Variants in CENPC observed in about 807,000 individuals in gnomAD.
CENPC encodes centromere protein C, also known as CENP-C 1.
A neutral mutation model predicts 112.1 loss-of-function variants in CENPC; 63 were observed. The ratio of observed to expected loss-of-function variants is 0.56; its 90% CI spans 0.46 to 0.69. The LOEUF (loss-of-function observed/expected upper bound fraction) is 0.69. Ranked by LOEUF, CENPC falls within the 30% of genes least tolerant of loss-of-function variation. The probability of loss-of-function intolerance (pLI) is 0.00; values close to 1 mark genes in which losing one functional copy is unlikely to be tolerated. For synonymous variants in CENPC, 333 were observed against 367.6 expected (o/e 0.91, Z 1.08); for missense variants, 1,000 against 1,103.8 (o/e 0.91, Z 1.33).
intron 5 of CENPC, among the ~76,000 whole-genome samples, chr4:67,530,466 A>G (rs1726514227): frequency 6.6e-6 from 1 of 152,164 alleles, no homozygotes; most frequent in Non-Finnish European, 1.5e-5. Context: ...AAGGTACAGA[A>G]CTATTTAAAG....
chr4:67,504,317 A>G, intron 12 of CENPC, among the ~76,000 whole-genome samples: 1 of 152,186 alleles, frequency 6.6e-6, no homozygotes, highest in East Asian at 1.9e-4. Flanking sequence ...CTTCTTTACC[A>G]AAGAAAAAGC....
intron 9 of CENPC, among the ~76,000 whole-genome samples, chr4:67,511,737 C>A (rs1375414276): frequency 6.6e-6 from 1 of 152,124 alleles, no homozygotes; most frequent in African/African-American, 2.4e-5. Context: ...GGCACTAAGT[C>A]TCTAGTGAGC....
chr4:67,493,264 A>T lies in CENPC; in HGVS notation c.2291-267T>A, dbSNP rs1026813504. 22 of 139,358 alleles carry T rather than the reference A, an allele frequency of 1.6e-4. No homozygotes were observed. In the East Asian group the frequency reaches 2.0e-3, roughly 13 times the overall value. The allele number at this position is 139,358 out of a possible 1,614,324, so 8.6% of individuals were successfully genotyped here. On this transcript the variant is annotated intron_variant, in intron 14 of 18. Transcript: ENST00000273853. The stretch of plus-strand genomic sequence containing the variant: ...TCAACAGTCATCAGTGGAGGCTTTT[A>T]AAAAAAAAAAAAAAAGGAGGGGGCT...
intron 18 of CENPC, chr4:67,474,598 T>G (rs1724754053): frequency 3.2e-6 from 1 of 309,286 alleles, no homozygotes; most frequent in African/African-American, 2.3e-5. Flanking sequence ...CTCGAGAGTC[T>G]GAGGCACAAG....
intron 5 of CENPC, among the ~76,000 whole-genome samples, chr4:67,524,410 G>C (rs1726315905): frequency 6.6e-6 from 1 of 152,166 alleles, no homozygotes; most frequent in South Asian, 2.1e-4. Context: ...GTTTGCAGAT[G>C]ACGTGATTGT....
chr4:67,511,026 C>G, intron 9 of CENPC: 2 of 456,106 alleles, frequency 4.4e-6, no homozygotes, highest in Non-Finnish European at 4.4e-6. Flanking sequence ...TTCAGGCAAC[C>G]TGGGGCAGAA....
At chr4:67,508,223 T>C (rs1725789387) in intron 10 of CENPC, among the ~76,000 whole-genome samples, 1 of 152,058 alleles carries the variant, frequency 6.6e-6, no homozygotes, top group Admixed American at 6.6e-5. Context: ...AGACAGTAAA[T>C]TTTATGTTAT....
chr4:67,506,035 A>G (rs1725721973), intron 11 of CENPC, among the ~76,000 whole-genome samples: 1 of 152,192 alleles, frequency 6.6e-6, no homozygotes, highest in Non-Finnish European at 1.5e-5. Flanking sequence ...CTTTCTACCT[A>G]TTATGAACCC....
chr4:67,521,450 C>T (rs2109813737), intron 5 of CENPC, among the ~76,000 whole-genome samples: 1 of 152,142 alleles, frequency 6.6e-6, no homozygotes, highest in African/African-American at 2.4e-5. Flanking sequence ...TTCCTAATAA[C>T]AGTGATGTAA....
rs959663601 is a variant in CENPC, at chr4:67,476,957, C to T, written c.2671-1979G>A. 4.6e-5 allele frequency among the ~76,000 whole-genome samples: 7 copies of T among 152,148 alleles called. No homozygotes were observed. The South Asian group carries it at 1.4e-3, about 31-fold the overall frequency. ...GAGACAGCCATAATCCCCTTGGGAACATAACTCCAGTGGCCTGGGAACCAT... is the reference window on the plus strand; with the variant it reads ...GAGACAGCCATAATCCCCTTGGGAATATAACTCCAGTGGCCTGGGAACCAT... On this transcript the variant is annotated intron_variant, in intron 17 of 18. Coordinates refer to ENST00000273853, the MANE Select transcript of CENPC (RefSeq NM_001812.4).
intron 3 of CENPC, among the ~76,000 whole-genome samples, chr4:67,540,467 G>A (rs191352001): frequency 1.3e-5 from 2 of 152,264 alleles, no homozygotes; most frequent in East Asian, 3.9e-4. Context: ...GCAGGAGTTC[G>A]AGACCAGACT....
chr4:67,539,519 A>C (rs1726822536), intron 4 of CENPC, among the ~76,000 whole-genome samples: 1 of 152,172 alleles, frequency 6.6e-6, no homozygotes, highest in Non-Finnish European at 1.5e-5. Flanking sequence ...ATTTATTAGA[A>C]TATAACCAAC....
chr4:67,502,457 C>T (rs901745594), intron 12 of CENPC, among the ~76,000 whole-genome samples: 1 of 152,046 alleles, frequency 6.6e-6, no homozygotes, highest in African/African-American at 2.4e-5. Flanking sequence ...TTAGACAAAA[C>T]AAACTACAAA....
intron 2 of CENPC, among the ~76,000 whole-genome samples, chr4:67,541,363 G>C (rs1242852073): frequency 1.3e-5 from 2 of 152,082 alleles, no homozygotes; most frequent in Non-Finnish European, 2.9e-5. Flanking sequence ...AATCCAATCA[G>C]TCCTGAAATG....
intron 5 of CENPC, among the ~76,000 whole-genome samples, chr4:67,527,630 AGGCAG>A (rs1435843914): frequency 6.6e-6 from 1 of 150,586 alleles, no homozygotes; most frequent in African/African-American, 2.4e-5. Context: ...TCTCCCAAGT[AGGCAG>A]GACTATAGGC....
chr4:67,541,829 T>C (rs564756924), intron 2 of CENPC, among the ~76,000 whole-genome samples: 5 of 152,288 alleles, frequency 3.3e-5, no homozygotes, highest in Admixed American at 1.3e-4. Context: ...CATAACCACC[T>C]TTCTCTCATC....
intron 13 of CENPC, among the ~76,000 whole-genome samples, 172 bp from the exon 14 acceptor site, chr4:67,494,160 A>G (rs1288274625): frequency 1.3e-5 from 2 of 152,232 alleles, no homozygotes; most frequent in Admixed American, 1.3e-4. Context: ...AGAAAAGCCA[A>G]TGGAAAAACA....
intron 16 of CENPC, 39 bp downstream of exon 16, chr4:67,492,141 T>G (rs1287642512): frequency 7.7e-7 from 1 of 1,293,222 alleles, no homozygotes; most frequent in Non-Finnish European, 1.1e-6. Flanking sequence ...TCTTACAAAT[T>G]GTTTAATTAA....
At chr4:67,533,051 G>A (rs1726605302) in intron 4 of CENPC, among the ~76,000 whole-genome samples, 1 of 152,164 alleles carries the variant, frequency 6.6e-6, no homozygotes, top group Non-Finnish European at 1.5e-5. Flanking sequence ...TATCAGCACA[G>A]TAGAGAAATA....
Sources: gnomAD v4.1 joint callset for allele counts (sites outside exome capture counted in the v4.1 genomes callset) on GRCh38, gnomAD v4.1.1 for gene constraint, MANE v1.5 for transcripts, NCBI Gene and HGNC (gene_info 2026-07-23, HGNC 2026-07-21) for gene names.